FHIT: variants seen among roughly 807,000 people sequenced by gnomAD.
FHIT encodes the protein bis(5'-adenosyl)-triphosphatase.
FHIT carries 19 observed loss-of-function variants against 17.9 expected under a neutral mutation model. The observed-to-expected ratio is 1.06, with a 90% CI of 0.74 to 1.56. The LOEUF (loss-of-function observed/expected upper bound fraction) is 1.56. FHIT is among the 40% of genes most tolerant of loss of function. FHIT has a pLI of 0.00. For synonymous variants in FHIT, 81 were observed against 69.7 expected, an observed-to-expected ratio of 1.16 and a Z score of -0.81; for missense variants, 248 against 189.2, an observed-to-expected ratio of 1.31 and a Z score of -1.82.
intron 1 of FHIT, among the ~76,000 whole-genome samples, chr3:61,237,407 A>G (rs2040259254): frequency 6.6e-6 from 1 of 152,222 alleles, no homozygotes; most frequent in Non-Finnish European, 1.5e-5. Context: ...CTTTAACATC[A>G]ACCAGGATTT....
At chr3:60,451,582 T>C (rs2031749423) in intron 5 of FHIT, among the ~76,000 whole-genome samples, 1 of 152,144 alleles carries the variant, frequency 6.6e-6, no homozygotes, top group Admixed American at 6.6e-5. Flanking sequence ...CAAAATTTCA[T>C]AAAGGATATT....
chr3:61,160,138 G>A (rs2037644829), intron 2 of FHIT, among the ~76,000 whole-genome samples: 1 of 152,088 alleles, frequency 6.6e-6, no homozygotes, highest in Non-Finnish European at 1.5e-5. Flanking sequence ...TAATTTAGCT[G>A]GAGAATTTGA....
intron 5 of FHIT, among the ~76,000 whole-genome samples, chr3:60,302,079 A>G (rs1283472806): frequency 1.3e-5 from 2 of 152,198 alleles, no homozygotes; most frequent in Non-Finnish European, 2.9e-5. Flanking sequence ...TTTTAAAAAG[A>G]AGTATCAGGA....
intron 5 of FHIT, among the ~76,000 whole-genome samples, chr3:60,520,734 G>A (rs115964929): frequency 0.012 from 1,828 of 152,148 alleles, 39 homozygotes; most frequent in African/African-American, 0.042. Context: ...GTGGAGGAGC[G>A]AGACACTTAG....
chr3:59,970,285 A>C (rs192420348), intron 7 of FHIT, among the ~76,000 whole-genome samples: 32 of 152,256 alleles, frequency 2.1e-4, no homozygotes, highest in African/African-American at 7.7e-4. Context: ...CTTTAATTAC[A>C]TGAGATTTCT....
At chr3:59,878,078 G>GA (rs767721160) in intron 8 of FHIT, among the ~76,000 whole-genome samples, 7 of 152,042 alleles carry the variant, frequency 4.6e-5, no homozygotes, top group Non-Finnish European at 8.8e-5. Flanking sequence ...ACCATTATTA[G>GA]AAAAAATCTG....
intron 4 of FHIT, among the ~76,000 whole-genome samples, chr3:60,771,994 A>C (rs1217028206): frequency 6.6e-6 from 1 of 152,214 alleles, no homozygotes; most frequent in African/African-American, 2.4e-5. Context: ...GCAGATTAGC[A>C]CTGGCACTGC....
At chr3:59,851,761 A>G (rs1011718016) in intron 8 of FHIT, among the ~76,000 whole-genome samples, 1 of 152,214 alleles carries the variant, frequency 6.6e-6, no homozygotes, top group Admixed American at 6.5e-5. Context: ...CAGTGATGCT[A>G]CATGCATTAT....
intron 3 of FHIT, among the ~76,000 whole-genome samples, chr3:60,956,234 T>C (rs531957090): frequency 2.0e-5 from 3 of 152,292 alleles, no homozygotes. Flanking sequence ...TAAGATCCAT[T>C]TAGTTATAAA....
intron 3 of FHIT, among the ~76,000 whole-genome samples, chr3:60,999,796 T>G (rs1217551868): frequency 1.3e-5 from 2 of 151,928 alleles, no homozygotes; most frequent in Non-Finnish European, 2.9e-5. Flanking sequence ...TTCTGGCAGT[T>G]GTAAAAAATA....
At chr3:61,189,072 T>C (rs959503807) in intron 2 of FHIT, among the ~76,000 whole-genome samples, 13 of 152,052 alleles carry the variant, frequency 8.5e-5, no homozygotes, top group African/African-American at 1.2e-4. Flanking sequence ...AGTGTTGGAA[T>C]TTCTGGCCAG....
chr3:60,211,243 T>A (rs1291272665), intron 5 of FHIT, among the ~76,000 whole-genome samples: 1 of 151,922 alleles, frequency 6.6e-6, no homozygotes, highest in Non-Finnish European at 1.5e-5. Context: ...CAAATATAAA[T>A]GTATTTATAT....
intron 7 of FHIT, among the ~76,000 whole-genome samples, chr3:59,997,241 TTGA>T (rs1699550854): frequency 6.6e-6 from 1 of 152,142 alleles, no homozygotes; most frequent in African/African-American, 2.4e-5. Flanking sequence ...GCCAAAGGCA[TTGA>T]TGATTCTTTA....
At chr3:60,084,439 C>T (rs1703415956) in intron 5 of FHIT, among the ~76,000 whole-genome samples, 1 of 152,048 alleles carries the variant, frequency 6.6e-6, no homozygotes, top group Admixed American at 6.6e-5. Flanking sequence ...CCACTTTGGG[C>T]CAGACCCTAC....
At chr3:60,939,339 A>T (rs1553773922) in intron 3 of FHIT, among the ~76,000 whole-genome samples, 1 of 152,184 alleles carries the variant, frequency 6.6e-6, no homozygotes, top group Non-Finnish European at 1.5e-5. Context: ...ATACTGTCTA[A>T]GGTTGCTCTC....
intron 7 of FHIT, among the ~76,000 whole-genome samples, chr3:59,992,007 C>T (rs212014): frequency 0.6 from 91,204 of 151,756 alleles, 27,783 homozygotes; most frequent in Admixed American, 0.69. Context: ...GAGTCTTTAA[C>T]GTATGCAGGG....
chr3:60,252,176 A>G (rs913922205), intron 5 of FHIT, among the ~76,000 whole-genome samples: 7 of 152,194 alleles, frequency 4.6e-5, no homozygotes, highest in Non-Finnish European at 1.0e-4. Context: ...TGTGTTAGAC[A>G]CTTGATGCAA....
chr3:60,322,865 T>C (rs557311339), intron 5 of FHIT, among the ~76,000 whole-genome samples: 23 of 152,170 alleles, frequency 1.5e-4, no homozygotes, highest in Admixed American at 1.3e-3. Flanking sequence ...GGAAATGATA[T>C]CCCAAATTTG....
At chr3:60,116,680 A>C (rs1704976608) in intron 5 of FHIT, among the ~76,000 whole-genome samples, 1 of 152,288 alleles carries the variant, frequency 6.6e-6, no homozygotes, top group African/African-American at 2.4e-5. Context: ...AATAAAAAGT[A>C]GCCCCAATAT....
Sources: gnomAD v4.1 joint callset for allele counts (sites outside exome capture counted in the v4.1 genomes callset) on GRCh38, gnomAD v4.1.1 for gene constraint, MANE v1.5 for transcripts, NCBI Gene and HGNC (gene_info 2026-07-23, HGNC 2026-07-21) for gene names.